DOCK1: variants seen among roughly 807,000 people sequenced by gnomAD.
DOCK1 encodes the protein dedicator of cytokinesis protein 1.
Under a neutral mutation model 262.7 loss-of-function variants are expected in DOCK1, and 138 were observed. The observed-to-expected ratio is 0.53, with a 90% CI of 0.46 to 0.61. The LOEUF is 0.61. DOCK1 is among the 20% of genes least tolerant of loss of function. DOCK1 has a pLI of 0.00. For synonymous variants in DOCK1, 866 were observed against 867.4 expected, an observed-to-expected ratio of 1.00 and a Z score of 0.03; for missense variants, 1,908 against 2,370.7, an observed-to-expected ratio of 0.80 and a Z score of 4.05.
intron 23 of DOCK1, among the ~76,000 whole-genome samples, chr10:127,062,445 T>G (rs1216511823): frequency 6.6e-6 from 1 of 152,212 alleles, no homozygotes. Flanking sequence ...TAAATTATTG[T>G]TGACCGTCTT....
intron 27 of DOCK1, among the ~76,000 whole-genome samples, chr10:127,241,533 A>G (rs899337410): frequency 1.3e-5 from 2 of 152,062 alleles, no homozygotes; most frequent in African/African-American, 4.8e-5. Context: ...GCTTTCCTGC[A>G]TGGCAAGCCT....
intron 27 of DOCK1, among the ~76,000 whole-genome samples, chr10:127,157,495 C>G (rs1246608269): frequency 6.6e-6 from 1 of 152,248 alleles, no homozygotes; most frequent in African/African-American, 2.4e-5. Flanking sequence ...CTTTTACTCT[C>G]AATCCTCTCC....
chr10:127,306,628 G>A (rs1365681432), intron 29 of DOCK1, among the ~76,000 whole-genome samples: 2 of 152,160 alleles, frequency 1.3e-5, no homozygotes, highest in African/African-American at 4.8e-5. Context: ...CCCCTATTCA[G>A]CATTACATCA....
chr10:127,214,209 T>C (rs773117312), intron 27 of DOCK1, among the ~76,000 whole-genome samples: 19 of 152,092 alleles, frequency 1.2e-4, no homozygotes, highest in Non-Finnish European at 2.1e-4. Context: ...TATGTAGAGA[T>C]GACAAATCAT....
chr10:127,096,183 A>G (rs9988710), intron 23 of DOCK1, among the ~76,000 whole-genome samples: 23,519 of 152,234 alleles, frequency 0.15, 2,082 homozygotes, highest in African/African-American at 0.24. Flanking sequence ...TGTCACACAC[A>G]CCATAGAGAT....
chr10:127,336,553 T>A (rs79294423), intron 29 of DOCK1, among the ~76,000 whole-genome samples: 13 of 151,210 alleles, frequency 8.6e-5, no homozygotes, highest in South Asian at 2.1e-4. Context: ...TTTTTTTTTT[T>A]AATTTGAGAC....
chr10:127,414,319 G>C (rs2068034058), intron 43 of DOCK1, among the ~76,000 whole-genome samples: 1 of 152,198 alleles, frequency 6.6e-6, no homozygotes, highest in Admixed American at 6.5e-5. Flanking sequence ...GGTTGGAATG[G>C]CAGAAGATTG....
chr10:127,108,357 G>C (rs978040736), intron 24 of DOCK1, among the ~76,000 whole-genome samples: 1 of 152,060 alleles, frequency 6.6e-6, no homozygotes, highest in African/African-American at 2.4e-5. Context: ...GGAGGCCGAG[G>C]GGGACAGATC....
chr10:126,999,343 C>A lies in DOCK1; in HGVS notation c.768-11C>A. 2 of 1,609,004 alleles carry A rather than the reference C, an allele frequency of 1.2e-6. No homozygotes were observed. Among genetic ancestry groups the A allele is most frequent in the Non-Finnish European group, 1.7e-6 (2 of 1,177,030 alleles). ...GAAAATTAACTTGCTTTTATTTCTC[C>A]ATTTTTCAAGTGAGAACTACCTGGT... is the stretch of plus-strand genomic sequence containing the variant. On this transcript the variant is annotated splice_polypyrimidine_tract_variant and intron_variant, in intron 8 of 51. Transcript: ENST00000623213.
rs527728430 is a variant in DOCK1, at chr10:127,020,152, G to C, written c.1327+1317G>C. Among the ~76,000 whole-genome samples, 32 of 152,354 alleles carry C rather than the reference G, an allele frequency of 2.1e-4. 1 individual carries two copies. In the South Asian group the frequency reaches 6.0e-3, roughly 29 times the overall value. On this transcript the variant is annotated intron_variant, in intron 13 of 51. Coordinates refer to ENST00000623213, the MANE Select transcript of DOCK1 (RefSeq NM_001290223.2). ...AAAAGCATGACGTTTAGTCAATTCT[G>C]AAGCTATTGCTTGTGTGTGTCCAGT...
rs193201282 is a variant in DOCK1, at chr10:127,126,187, C to T, written c.2751+586C>T. The stretch of plus-strand genomic sequence containing the variant: ...TCAGCTCATGGCAACCTCTGCCTCC[C>T]GGGTTCAAGTGATTCTCCTGCCTCA... On this transcript the variant is annotated intron_variant, in intron 26 of 51. Transcript: ENST00000623213. Among the ~76,000 whole-genome samples the T allele has an allele frequency of 2.2e-3, 327 of 152,002 alleles. 1 individual carries two copies. The highest frequency in any genetic ancestry group is 7.3e-3 in the African/African-American group (302 of 41,466).
At chr10:127,399,663 CT>C (rs2067108880) in intron 38 of DOCK1, among the ~76,000 whole-genome samples, 1 of 151,806 alleles carries the variant, frequency 6.6e-6, no homozygotes, top group Admixed American at 6.6e-5. Flanking sequence ...ACAGATTAGG[CT>C]TTTACTCAGG....
intron 32 of DOCK1, 131 bp downstream of exon 32, chr10:127,354,858 C>G (rs1590653244): frequency 1.9e-6 from 2 of 1,067,420 alleles, no homozygotes; most frequent in Non-Finnish European, 1.4e-6. Context: ...GCAGTTGCTA[C>G]TCTTTGTAGT....
intron 27 of DOCK1, among the ~76,000 whole-genome samples, chr10:127,132,869 A>G (rs1201447253): frequency 6.6e-6 from 1 of 152,206 alleles, no homozygotes; most frequent in East Asian, 1.9e-4. Flanking sequence ...GGGATTGGAA[A>G]TTACTAATTC....
chr10:127,089,008 G>A (rs891670527), intron 23 of DOCK1, among the ~76,000 whole-genome samples: 5 of 151,990 alleles, frequency 3.3e-5, no homozygotes, highest in East Asian at 1.9e-4. Context: ...TCCATAGCTC[G>A]GTCACTCCCC....
At chr10:127,406,381 A>G (rs1490939947) in intron 40 of DOCK1, among the ~76,000 whole-genome samples, 1 of 152,200 alleles carries the variant, frequency 6.6e-6, no homozygotes, top group Admixed American at 6.5e-5. Flanking sequence ...CTCCACCACC[A>G]AAAGGACAAA....
At chr10:127,097,094 G>A (rs923329274) in intron 23 of DOCK1, among the ~76,000 whole-genome samples, 2 of 151,928 alleles carry the variant, frequency 1.3e-5, no homozygotes, top group Non-Finnish European at 2.9e-5. Context: ...AACAGAGTGA[G>A]ACTCTATCTC....
rs536018118 is a variant in DOCK1, at chr10:127,292,701, C to T, written c.3044+35272C>T. Among the ~76,000 whole-genome samples, 12 of 152,216 alleles carry T rather than the reference C, an allele frequency of 7.9e-5. No individual in the cohort carries two copies. In the South Asian group the frequency reaches 1.5e-3, roughly 18 times the overall value. On this transcript the variant is annotated intron_variant, in intron 29 of 51. Transcript: ENST00000623213. ...TCCTGCTGATTGATTCAAGGTGCAA[C>T]GTGCCTGCTTGTCAGGTATGCTGTT...
At chr10:127,146,931 C>A (rs923102881) in intron 27 of DOCK1, among the ~76,000 whole-genome samples, 4 of 152,210 alleles carry the variant, frequency 2.6e-5, no homozygotes, top group African/African-American at 9.7e-5. Context: ...CGTGCACTAT[C>A]CTGACCAGCT....
Sources: gnomAD v4.1 joint callset for allele counts (sites outside exome capture counted in the v4.1 genomes callset) on GRCh38, gnomAD v4.1.1 for gene constraint, MANE v1.5 for transcripts, NCBI Gene and HGNC (gene_info 2026-07-23, HGNC 2026-07-21) for gene names.